The following MCRS1 variants were observed in gnomAD, a reference collection of about 807,000 sequenced individuals.
MCRS1 encodes the protein 58 kDa microspherule protein.
MCRS1 carries 22 observed loss-of-function variants against 62.9 expected under a neutral mutation model. The ratio of observed to expected loss-of-function variants is 0.35; its 90% CI spans 0.25 to 0.50. The LOEUF (loss-of-function observed/expected upper bound fraction) is 0.50, where lower values mean the gene tolerates loss of function less well. Ranked by LOEUF, MCRS1 falls within the 20% of genes least tolerant of loss-of-function variation. The pLI is 0.98. For synonymous variants in MCRS1, 244 were observed against 233.5 expected (o/e 1.04, Z -0.41); for missense variants, 456 against 601.1 (o/e 0.76, Z 2.52).
intron 1 of MCRS1, 105 bp from the exon 2 acceptor site, chr12:49,566,946 C>T (rs1939095870): frequency 1.3e-5 from 8 of 620,666 alleles, no homozygotes; most frequent in Non-Finnish European, 2.3e-5. Flanking sequence ...CTAGGGAAGA[C>T]ATAAGGACAG....
Position 49,558,829 on chromosome 12 carries a change from C to T in MCRS1, c.1302+14G>A, listed in dbSNP as rs1938592874. ...AGGTCTCATCCTGGCCTTCCTGCCT[C>T]CTCCCCAGCTCACCTCCACCACAGA... On this transcript the variant is annotated intron_variant, in intron 14 of 14. Transcript: ENST00000343810. 1 of 1,613,284 alleles carries T rather than the reference C, an allele frequency of 6.2e-7. No homozygotes were observed. The highest frequency in any genetic ancestry group is 1.3e-5 in the African/African-American group (1 of 75,042).
rs759460074 is a variant in MCRS1, at chr12:49,559,848, G to C, written c.911-27C>G. 1 of 1,614,112 alleles carries C rather than the reference G, an allele frequency of 6.2e-7. No individual in the cohort carries two copies. The highest frequency in any genetic ancestry group is 8.5e-7 in the Non-Finnish European group (1 of 1,179,982). ...TGGGGTGAGGTGGGGTGGTAAGGAGGGATGCTCTGAGGCCACCAGCACCTT... is the reference window on the plus strand; with the variant it reads ...TGGGGTGAGGTGGGGTGGTAAGGAGCGATGCTCTGAGGCCACCAGCACCTT... On this transcript the variant is annotated intron_variant, in intron 10 of 14. Transcript: ENST00000343810. This position sits in a 1 kb window ranked among gnomAD's most constrained non-coding sequence, Gnocchi z 5.2.
chr12:49,565,550 G>T lies in MCRS1; in HGVS notation c.267C>A (p.Pro89=), dbSNP rs748398364. The T allele has an allele frequency of 4.4e-6, 7 of 1,603,148 alleles. No homozygotes were observed. The highest frequency in any genetic ancestry group is 8.5e-7 in the Non-Finnish European group (1 of 1,174,744). ...TCACCTTCTTCTTCTCACTGGAGGAGGGTTCACTCCCCGAACAGCGCCCTG... is the reference window on the plus strand; with the variant it reads ...TCACCTTCTTCTTCTCACTGGAGGATGGTTCACTCCCCGAACAGCGCCCTG... ...VEPGRCSGSE[P]SSSEKKKVSK... Residue 89 remains proline (P), a synonymous_variant, in exon 4 of 15, where the codon CCC becomes CCA. Transcript: ENST00000343810.
intron 14 of MCRS1, 41 bp downstream of exon 14, chr12:49,558,802 C>G (rs1184447571): frequency 1.2e-6 from 2 of 1,613,480 alleles, no homozygotes; most frequent in Admixed American, 1.7e-5. Flanking sequence ...CTCACCACGC[C>G]TAGGTCTCAT....
intron 4 of MCRS1, 140 bp downstream of exon 4, chr12:49,565,389 G>T (rs1178658174): frequency 6.7e-7 from 1 of 1,501,192 alleles, no homozygotes; most frequent in Non-Finnish European, 8.9e-7. Flanking sequence ...TTCCCAGGAG[G>T]GGGGCATCTG....
In MCRS1 at chr12:49,563,153, A is replaced by G; in HGVS notation, c.667-14T>C. ...GGGCTGGCTGGTCTAGAGGGCAAGA[A>G]ACATTCTCTAGGCATCTGGGCTTTT... On this transcript the variant is annotated splice_polypyrimidine_tract_variant and intron_variant, in intron 7 of 14. Coordinates refer to ENST00000343810, the MANE Select transcript of MCRS1 (RefSeq NM_006337.5). 6.4e-7 allele frequency: 1 copy of G among 1,554,856 alleles called. No homozygotes were observed.
intron 8 of MCRS1, among the ~76,000 whole-genome samples, chr12:49,560,919 G>A (rs1210496235): frequency 1.3e-5 from 2 of 152,144 alleles, no homozygotes. Flanking sequence ...AATGTCTCTT[G>A]ATCTGGGGTC....
At chr12:49,564,395 G>C (rs1938937071) in intron 6 of MCRS1, 86 bp downstream of exon 6, 1 of 1,149,820 alleles carries the variant, frequency 8.7e-7, no homozygotes. Context: ...GACCCCTCCT[G>C]GGGCCCTGGT....
At chr12:49,563,374 G>C (rs1462605458) in intron 7 of MCRS1, 64 bp downstream of exon 7, 2 of 1,499,900 alleles carry the variant, frequency 1.3e-6, no homozygotes, top group African/African-American at 2.7e-5. Context: ...CACATCAGTG[G>C]TTTTCTAGGT....
Position 49,566,129 on chromosome 12 carries a change from G to A in MCRS1, c.97C>T (p.Arg33Ter), listed in dbSNP as rs766260207. 6.2e-7 allele frequency: 1 copy of A among 1,614,214 alleles called. No homozygotes were observed. Among genetic ancestry groups the A allele is most frequent in the Non-Finnish European group, 8.5e-7 (1 of 1,180,024 alleles). The stretch of plus-strand genomic sequence containing the variant: ...GTGCCCAAGGCCTGGGAGGAGGCTC[G>A]CTTCTGCCCTGCCAGTGACTCCTCA... ...EDEESLAGQK[R>*]ASSQALGTIP... is the part of the protein sequence containing the mutation. The change falls in exon 3 of 15, where the codon CGA (arginine) becomes TGA (stop). Residue 33 changes from arginine to a stop codon, truncating the protein, a stop_gained. Transcript: ENST00000343810. LOFTEE classifies it high-confidence loss of function.
chr12:49,561,379 T>TG (rs1938758982), intron 8 of MCRS1, among the ~76,000 whole-genome samples: 1 of 152,030 alleles, frequency 6.6e-6, no homozygotes, highest in Non-Finnish European at 1.5e-5. Context: ...TGAGACCATA[T>TG]GGGGGGAAGC....
At chr12:49,566,528 G>T in intron 2 of MCRS1, 194 bp downstream of exon 2, 1 of 1,508,448 alleles carries the variant, frequency 6.6e-7, no homozygotes, top group Non-Finnish European at 9.0e-7. Flanking sequence ...TCAAAATGCA[G>T]CCGTGCTAAA....
chr12:49,565,700 A>G lies in MCRS1; in HGVS notation c.150-33T>C, dbSNP rs959224796. ...GGGTCCTGCCCAGTGAACACTCCTT[A>G]CCCCACCCTGGTACCCATTCACACA... is the stretch of plus-strand genomic sequence containing the variant. On this transcript the variant is annotated intron_variant, in intron 3 of 14. Transcript: ENST00000343810. 14 of 1,613,614 alleles carry G rather than the reference A, an allele frequency of 8.7e-6. No homozygotes were observed. In the South Asian group the frequency reaches 1.4e-4, roughly 16 times the overall value.
intron 1 of MCRS1, among the ~76,000 whole-genome samples, chr12:49,567,045 G>A (rs1939100788): frequency 1.3e-5 from 2 of 152,202 alleles, no homozygotes; most frequent in African/African-American, 4.8e-5. Context: ...TATGATAACA[G>A]CTATGGACTG....
Position 49,558,310 on chromosome 12 carries a change from C to T in MCRS1, c.*333G>A, listed in dbSNP as rs1435404667. On this transcript the variant is annotated 3_prime_UTR_variant, in exon 15 of 15. Coordinates refer to ENST00000343810, the MANE Select transcript of MCRS1 (RefSeq NM_006337.5). ...AAAATAAAATAAACTACTTTGGAAC[C>T]TGGTGCTTTTTATTTACAAAAGAAA... is the stretch of plus-strand genomic sequence containing the variant. The T allele has an allele frequency of 2.5e-6, 1 of 403,906 alleles. No homozygotes were observed. The allele number at this position is 403,906 out of a possible 1,614,324, so 25.0% of individuals were successfully genotyped here. A position where few individuals can be genotyped will look rare whatever the true frequency, so the allele number is the denominator to read the frequency against.
At position 49,564,819 on chromosome 12, in the gene MCRS1, CTCT is replaced by C; in HGVS notation, c.362_364del (p.Lys121del). 6.2e-7 allele frequency: 1 copy of C among 1,614,122 alleles called. No individual in the cohort carries two copies. Among genetic ancestry groups the C allele is most frequent in the African/African-American group, 1.3e-5 (1 of 75,042 alleles). Reference sequence around the variant, plus strand: ...CTTGGTCACCTGAAGTGGCTGTTTACTCTTCTTCACACGCTTGGTGAGTCCAGG... The same window carrying C: ...CTTGGTCACCTGAAGTGGCTGTTTACTCTTCACACGCTTGGTGAGTCCAGG... On this transcript the variant is annotated inframe_deletion, in exon 5 of 15. Coordinates refer to ENST00000343810, the MANE Select transcript of MCRS1 (RefSeq NM_006337.5).
chr12:49,565,293 C>T (rs1168199068), intron 4 of MCRS1: 3 of 985,236 alleles, frequency 3.0e-6, no homozygotes, highest in Non-Finnish European at 3.6e-6. Flanking sequence ...ATGCTCCATG[C>T]CTCCCACACG....
chr12:49,565,195 A>G, intron 4 of MCRS1: 1 of 985,412 alleles, frequency 1.0e-6, no homozygotes, highest in Non-Finnish European at 1.2e-6. Context: ...TTGCTGGTGC[A>G]GTGTCTAGGG....
In MCRS1 at chr12:49,559,285, G is replaced by A. The variant is rs964670569; in HGVS notation, c.1103C>T (p.Ala368Val). Residue 368 changes from alanine (A) to valine (V), a missense_variant, in exon 13 of 15, where the codon GCA becomes GTA. By Grantham distance (64) the Ala-to-Val change is moderately conservative. Transcript: ENST00000343810. This position sits in a 1 kb window ranked among gnomAD's most constrained non-coding sequence, Gnocchi z 5.2. ...CACATCAATCTGGTTATCCTTGGTT[G>A]CTCTGCCCAGGGTGATCTGGGGAAA... ...MRSREITLGR[A>V]TKDNQIDVDL... 1.2e-6 allele frequency: 2 copies of A among 1,614,062 alleles called. No homozygotes were observed. The highest frequency in any genetic ancestry group is 1.7e-6 in the Non-Finnish European group (2 of 1,180,024).
Sources: gnomAD v4.1 joint callset for allele counts (sites outside exome capture counted in the v4.1 genomes callset) on GRCh38, gnomAD v4.1.1 for gene constraint, Gnocchi (gnomAD v3.1) non-coding constraint, MANE v1.5 for transcripts, NCBI Gene and HGNC (gene_info 2026-07-23, HGNC 2026-07-21) for gene names.